The following CCDC81 variants were observed in gnomAD, a reference collection of about 807,000 sequenced individuals.
CCDC81 encodes the protein coiled-coil domain-containing protein 81.
Under a neutral mutation model 83.7 loss-of-function variants are expected in CCDC81, and 79 were observed. That is an observed-to-expected ratio of 0.94 (90% CI 0.79 to 1.14). CCDC81 has a LOEUF of 1.14. CCDC81 is among the 50% of genes most tolerant of loss of function. The pLI, the probability that CCDC81 is intolerant of heterozygous loss-of-function variation, is 0.00. For synonymous variants in CCDC81, 252 were observed against 278.1 expected (o/e 0.91, Z 0.93); for missense variants, 791 against 778.1 (o/e 1.02, Z -0.20).
At chr11:86,393,632 G>C (rs1948365738) in intron 4 of CCDC81, among the ~76,000 whole-genome samples, 1 of 152,120 alleles carries the variant, frequency 6.6e-6, no homozygotes, top group South Asian at 2.1e-4. Flanking sequence ...TTGAGTCATG[G>C]AGTTTTTGAA....
Position 86,419,970 on chromosome 11 carries a change from A to C in CCDC81, c.1734A>C (p.Arg578Ser). 3.1e-6 allele frequency: 5 copies of C among 1,613,916 alleles called. No individual in the cohort carries two copies. Among genetic ancestry groups the C allele is most frequent in the Non-Finnish European group, 4.2e-6 (5 of 1,179,914 alleles). ...CCGCTGAGCTGGAGCGAGTAAATAGAGTCAACCAATGCTTACAGGAGGACT... is the reference window on the plus strand; with the variant it reads ...CCGCTGAGCTGGAGCGAGTAAATAGCGTCAACCAATGCTTACAGGAGGACT... ...DRTAELERVNRVNQCLQEDWE... is the reference protein window; with the variant it reads ...DRTAELERVNSVNQCLQEDWE... The change falls in exon 14 of 15, where the codon AGA (arginine) becomes AGC (serine). Residue 578 changes from arginine (R) to serine (S), a missense_variant. By Grantham distance (110) the Arg-to-Ser change is moderately radical. Coordinates refer to ENST00000445632, the MANE Select transcript of CCDC81 (RefSeq NM_001156474.2).
intron 5 of CCDC81, among the ~76,000 whole-genome samples, chr11:86,397,039 C>G (rs576629504): frequency 1.3e-5 from 2 of 151,842 alleles, no homozygotes; most frequent in South Asian, 2.1e-4. Flanking sequence ...CCCCCACCCC[C>G]ACTCCCTACT....
intron 3 of CCDC81, among the ~76,000 whole-genome samples, chr11:86,389,962 G>A (rs1449843766): frequency 6.6e-6 from 1 of 152,052 alleles, no homozygotes; most frequent in Admixed American, 6.6e-5. Context: ...AAAACTAGCT[G>A]GGCGTGGTGG....
In CCDC81 at chr11:86,383,798, G is replaced by A. The variant is rs527990177; in HGVS notation, c.80-2253G>A. Reference sequence around the variant, plus strand: ...TAAGCTTTCCAAATCTATTCCGATTGGATTGCAGGGGCCTAAAGCCTCCTA... The same window carrying A: ...TAAGCTTTCCAAATCTATTCCGATTAGATTGCAGGGGCCTAAAGCCTCCTA... On this transcript the variant is annotated intron_variant, in intron 1 of 14. Transcript: ENST00000445632. 2.6e-5 allele frequency among the ~76,000 whole-genome samples: 4 copies of A among 152,260 alleles called. No homozygotes were observed. The South Asian group carries it at 6.2e-4, about 24-fold the overall frequency.
Position 86,419,858 on chromosome 11 carries a change from G to A in CCDC81, c.1692-70G>A, listed in dbSNP as rs1358736193. 7.3e-6 allele frequency: 11 copies of A among 1,506,930 alleles called. No individual in the cohort carries two copies. The East Asian group carries it at 2.3e-4, about 31-fold the overall frequency. 93.3% of individuals were successfully genotyped at this position (1,506,930 alleles called of 1,614,324 possible). A position where few individuals can be genotyped will look rare whatever the true frequency, so the allele number is the denominator to read the frequency against. On this transcript the variant is annotated intron_variant, in intron 13 of 14. Transcript: ENST00000445632. ...AGGTTTTTTTTGTTTAACATAAAAG[G>A]AATGGGGCTCCCAAATTTGGTGCAT... is the stretch of plus-strand genomic sequence containing the variant.
At chr11:86,385,775 G>A (rs962225009) in intron 1 of CCDC81, among the ~76,000 whole-genome samples, 1 of 152,180 alleles carries the variant, frequency 6.6e-6, no homozygotes, top group African/African-American at 2.4e-5. Context: ...AGAAAAGGGT[G>A]TGACAGAGTT....
chr11:86,391,302 T>G (rs1173319804), intron 3 of CCDC81, among the ~76,000 whole-genome samples: 5 of 152,218 alleles, frequency 3.3e-5, no homozygotes, highest in Non-Finnish European at 5.9e-5. Flanking sequence ...TCAGGTCTTG[T>G]TAATTTTCAT....
At chr11:86,382,698 G>C (rs1948191653) in intron 1 of CCDC81, among the ~76,000 whole-genome samples, 1 of 152,108 alleles carries the variant, frequency 6.6e-6, no homozygotes, top group Non-Finnish European at 1.5e-5. Flanking sequence ...AGTGAAAAGA[G>C]AAGCAACCTA....
intron 4 of CCDC81, among the ~76,000 whole-genome samples, chr11:86,393,633 A>G (rs989753565): frequency 6.6e-6 from 1 of 152,150 alleles, no homozygotes; most frequent in African/African-American, 2.4e-5. Flanking sequence ...TGAGTCATGG[A>G]GTTTTTGAAT....
At position 86,400,792 on chromosome 11, in the gene CCDC81, C is replaced by A. The variant is rs117116227; in HGVS notation, c.872C>A (p.Thr291Asn). The change falls in exon 7 of 15, where the codon ACC (threonine) becomes AAC (asparagine). Residue 291 changes from threonine (T) to asparagine (N), a missense_variant. Thr to Asn is a moderately conservative substitution (Grantham distance 65). Coordinates refer to ENST00000445632, the MANE Select transcript of CCDC81 (RefSeq NM_001156474.2). ...ERSESGGKIM[T>N]PESLSYPSCL... The stretch of plus-strand genomic sequence containing the variant: ...AGTGAGAGTGGTGGGAAGATTATGA[C>A]CCCTGAAAGGTAATGCATTGACTTT... 0.015 allele frequency: 24,723 copies of A among 1,605,628 alleles called. 237 individuals are homozygous for A. The highest frequency in any genetic ancestry group is 0.019 in the Non-Finnish European group (22,362 of 1,174,138).
chr11:86,395,400 C>A lies in CCDC81; in HGVS notation c.622C>A (p.Leu208Ile). Residue 208 changes from leucine (L) to isoleucine (I), a missense_variant, in exon 5 of 15, where the codon CTT (leucine) becomes ATT (isoleucine). By Grantham distance (5) the Leu-to-Ile change is conservative (BLOSUM62 2). Transcript: ENST00000445632. ...EALRKWPSSV[L>I]AFPRIELKEM... Reference sequence around the variant, plus strand: ...CTTGAGGAAGTGGCCCAGCAGTGTGCTTGCGTTTCCAAGGTGAGTGCTTTG... The same window carrying A: ...CTTGAGGAAGTGGCCCAGCAGTGTGATTGCGTTTCCAAGGTGAGTGCTTTG... The A allele has an allele frequency of 6.2e-7, 1 of 1,613,940 alleles. No individual in the cohort carries two copies. Among genetic ancestry groups the A allele is most frequent in the Non-Finnish European group, 8.5e-7 (1 of 1,179,896 alleles).
intron 1 of CCDC81, among the ~76,000 whole-genome samples, chr11:86,380,711 T>C (rs1448624302): frequency 6.6e-6 from 1 of 152,218 alleles, no homozygotes; most frequent in African/African-American, 2.4e-5. Flanking sequence ...TCATGTCCAG[T>C]CCACTAGTAA....
At chr11:86,411,535 C>G (rs990207758) in intron 10 of CCDC81, among the ~76,000 whole-genome samples, 4 of 152,210 alleles carry the variant, frequency 2.6e-5, no homozygotes, top group African/African-American at 9.7e-5. Context: ...TCTGTTGTTG[C>G]TCACTGTTGG....
intron 3 of CCDC81, among the ~76,000 whole-genome samples, chr11:86,391,320 C>A (rs1948326340): frequency 6.6e-6 from 1 of 152,184 alleles, no homozygotes; most frequent in Admixed American, 6.5e-5. Context: ...CATCATTTAG[C>A]AGTGGTGGAC....
chr11:86,410,539 C>A (rs1948627916), intron 10 of CCDC81, among the ~76,000 whole-genome samples: 1 of 152,174 alleles, frequency 6.6e-6, no homozygotes, highest in Admixed American at 6.5e-5. Context: ...GGAGGAAGAG[C>A]ATTCCAGGCA....
At chr11:86,409,426 C>A in intron 10 of CCDC81, 61 bp downstream of exon 10, 1 of 760,346 alleles carries the variant, frequency 1.3e-6, no homozygotes, top group Non-Finnish European at 2.1e-6. Flanking sequence ...TTTGGATCCA[C>A]TCCCTGTGTT....
At chr11:86,411,667 GT>G (rs1422489381) in intron 10 of CCDC81, among the ~76,000 whole-genome samples, 1 of 152,176 alleles carries the variant, frequency 6.6e-6, no homozygotes, top group African/African-American at 2.4e-5. Flanking sequence ...CCATCTGGAT[GT>G]TGTAAATGCT....
intron 1 of CCDC81, among the ~76,000 whole-genome samples, chr11:86,376,442 T>C (rs540572415): frequency 1.2e-4 from 19 of 152,256 alleles, no homozygotes; most frequent in African/African-American, 4.3e-4. Context: ...CTTAAAATCA[T>C]GGCAGAAGGG....
At chr11:86,419,811 CA>C in intron 13 of CCDC81, 116 bp from the exon 14 acceptor site, 1 of 1,032,802 alleles carries the variant, frequency 9.7e-7, no homozygotes, top group Non-Finnish European at 1.4e-6. Flanking sequence ...TAGTATATTT[CA>C]GAGTAGTGAA....
Sources: allele counts gnomAD v4.1 joint callset (sites outside exome capture counted in the v4.1 genomes callset), GRCh38; gene constraint gnomAD v4.1.1; transcripts MANE v1.5; gene names NCBI Gene and HGNC (gene_info 2026-07-23, HGNC 2026-07-21).